The following ROR2 variants were observed in gnomAD, a reference collection of about 807,000 sequenced individuals.
ROR2 encodes ROR family WNT receptor 2.
ROR2 carries 33 observed loss-of-function variants against 74.9 expected under a neutral mutation model. The ratio of observed to expected loss-of-function variants is 0.44; its 90% CI spans 0.33 to 0.59. ROR2 has a LOEUF of 0.59. Ranked by LOEUF, ROR2 falls within the 20% of genes least tolerant of loss-of-function variation. ROR2 has a pLI of 0.02. For missense variants in ROR2, 1,216 were observed against 1,313.8 expected (o/e 0.93, Z 1.15); for synonymous variants, 586 against 558.7 (o/e 1.05, Z -0.69).
intron 1 of ROR2, among the ~76,000 whole-genome samples, chr9:91,798,301 C>A (rs1827246095): frequency 7.5e-6 from 1 of 134,064 alleles, no homozygotes; most frequent in African/African-American, 3.0e-5. Flanking sequence ...GAATGACACC[C>A]TGGGATCTGT....
chr9:91,843,195 A>G (rs1192592314), intron 1 of ROR2, among the ~76,000 whole-genome samples: 2 of 152,198 alleles, frequency 1.3e-5, no homozygotes, highest in African/African-American at 2.4e-5. Context: ...GCGGCCCTGC[A>G]AAGACCCTGA....
intron 1 of ROR2, among the ~76,000 whole-genome samples, chr9:91,909,854 T>TTG (rs1554691405): frequency 8.9e-6 from 1 of 112,624 alleles, no homozygotes; most frequent in Non-Finnish European, 1.9e-5. Context: ...TTTGTTTTTT[T>TTG]TTTTTTTTTT....
At chr9:91,949,456 G>T (rs540699160) in intron 1 of ROR2, among the ~76,000 whole-genome samples, 2 of 151,996 alleles carry the variant, frequency 1.3e-5, no homozygotes, top group Admixed American at 6.5e-5. Flanking sequence ...ACTCGGGGCC[G>T]TGTGCCCTTG....
In ROR2 at chr9:91,950,055, C is replaced by A; in HGVS notation, c.-92G>T. 1.8e-6 allele frequency: 1 copy of A among 552,350 alleles called. No homozygotes were observed. The allele number at this position is 552,350 out of a possible 1,614,324, so 34.2% of individuals were successfully genotyped here. On this transcript the variant is annotated 5_prime_UTR_variant, in exon 1 of 9. It adds an upstream start codon to the 5' untranslated region. Coordinates refer to ENST00000375708, the MANE Select transcript of ROR2 (RefSeq NM_004560.4). ...ACCCCTTTCTACGATGCGTCCGCTC[C>A]TCCTTCTCCCTGGCGCTTCGCAAAC...
chr9:91,819,753 C>CTG (rs937312319), intron 1 of ROR2, among the ~76,000 whole-genome samples: 4 of 150,822 alleles, frequency 2.7e-5, no homozygotes, highest in African/African-American at 9.8e-5. Context: ...ATTCAATATT[C>CTG]TGTGTGTGTG....
chr9:91,852,652 CA>C (rs1312917866), intron 1 of ROR2, among the ~76,000 whole-genome samples: 158 of 146,202 alleles, frequency 1.1e-3, no homozygotes, highest in African/African-American at 4.1e-3. Flanking sequence ...CACACACACC[CA>C]CACACACAAT....
intron 1 of ROR2, among the ~76,000 whole-genome samples, chr9:91,921,550 A>T (rs1356449905): frequency 2.0e-5 from 3 of 152,080 alleles, no homozygotes; most frequent in Non-Finnish European, 4.4e-5. Context: ...CTTCAAGGGG[A>T]TGGTAATGTT....
intron 1 of ROR2, among the ~76,000 whole-genome samples, chr9:91,872,434 C>T (rs1472873087): frequency 6.6e-6 from 1 of 152,238 alleles, no homozygotes; most frequent in Non-Finnish European, 1.5e-5. Flanking sequence ...CTATTCCTCA[C>T]TTTACTGCCA....
intron 1 of ROR2, among the ~76,000 whole-genome samples, chr9:91,892,052 GAAAA>G (rs74312809): frequency 5.8e-4 from 41 of 71,026 alleles, no homozygotes; most frequent in Non-Finnish European, 8.1e-4. Context: ...TGTCTAAGAA[GAAAA>G]AAAAAAAAAA....
chr9:91,753,071 TATTA>T (rs1292385385), intron 4 of ROR2, among the ~76,000 whole-genome samples: 2 of 152,224 alleles, frequency 1.3e-5, no homozygotes, highest in Non-Finnish European at 2.9e-5. Context: ...TCAATTTAGA[TATTA>T]ATTCTCACCA....
At chr9:91,816,400 G>A (rs1827934975) in intron 1 of ROR2, among the ~76,000 whole-genome samples, 1 of 151,838 alleles carries the variant, frequency 6.6e-6, no homozygotes, top group African/African-American at 2.4e-5. Flanking sequence ...AGGCTCTTTG[G>A]GCAGCCTCAC....
At chr9:91,805,246 T>C (rs1344802256) in intron 1 of ROR2, among the ~76,000 whole-genome samples, 2 of 152,202 alleles carry the variant, frequency 1.3e-5, no homozygotes, top group African/African-American at 4.8e-5. Context: ...CACATGGCCA[T>C]GCAGTTCTGT....
At chr9:91,817,122 G>C (rs909035579) in intron 1 of ROR2, among the ~76,000 whole-genome samples, 3 of 152,192 alleles carry the variant, frequency 2.0e-5, no homozygotes, top group African/African-American at 4.8e-5. Context: ...GGGCAGAGCT[G>C]ACATCTGCCG....
At chr9:91,913,757 C>A (rs7873326) in intron 1 of ROR2, among the ~76,000 whole-genome samples, 8,127 of 152,224 alleles carry the variant, frequency 0.053, 284 homozygotes, top group African/African-American at 0.083. Flanking sequence ...TACGAGGTAT[C>A]TACAGCAATC....
At chr9:91,836,581 A>G (rs1828618754) in intron 1 of ROR2, among the ~76,000 whole-genome samples, 2 of 149,384 alleles carry the variant, frequency 1.3e-5, no homozygotes, top group Admixed American at 1.3e-4. Flanking sequence ...GATGTTCAGG[A>G]GCAGCAATGC....
At chr9:91,821,585 T>G (rs1828141661) in intron 1 of ROR2, among the ~76,000 whole-genome samples, 1 of 152,124 alleles carries the variant, frequency 6.6e-6, no homozygotes, top group African/African-American at 2.4e-5. Context: ...AAGGCCCACA[T>G]GCTCACCTGT....
intron 1 of ROR2, among the ~76,000 whole-genome samples, chr9:91,783,692 T>C (rs898534630): frequency 6.6e-5 from 10 of 152,184 alleles, no homozygotes; most frequent in African/African-American, 4.8e-5. Context: ...TTTCTCATAA[T>C]ATTTACACCA....
intron 1 of ROR2, chr9:91,887,028 C>A (rs955648107): frequency 2.0e-5 from 3 of 152,148 alleles, no homozygotes; most frequent in Admixed American, 2.0e-4. Context: ...TCTCTGGCTC[C>A]CAGAGCAGAT....
chr9:91,936,130 AC>A (rs1286382962), intron 1 of ROR2, among the ~76,000 whole-genome samples: 1 of 152,082 alleles, frequency 6.6e-6, no homozygotes, highest in Non-Finnish European at 1.5e-5. Context: ...TAGCAGTAGA[AC>A]CTTTTTTTCA....
Sources: gnomAD v4.1 joint callset for allele counts (sites outside exome capture counted in the v4.1 genomes callset) on GRCh38, gnomAD v4.1.1 for gene constraint, MANE v1.5 for transcripts, NCBI Gene and HGNC (gene_info 2026-07-23, HGNC 2026-07-21) for gene names.